The following ZDHHC14 variants were observed in gnomAD, a reference collection of about 807,000 sequenced individuals.
ZDHHC14 encodes the protein zDHHC palmitoyltransferase 14, also known as palmitoyltransferase ZDHHC14.
ZDHHC14 carries 16 observed loss-of-function variants against 47.7 expected under a neutral mutation model. The observed-to-expected ratio is 0.34, with a 90% CI of 0.23 to 0.51. The LOEUF (loss-of-function observed/expected upper bound fraction) is 0.51, where lower values mean the gene tolerates loss of function less well. ZDHHC14 is among the 20% of genes least tolerant of loss of function. The pLI, the probability that ZDHHC14 is intolerant of heterozygous loss-of-function variation, is 0.97. For missense variants in ZDHHC14, 515 were observed against 662.5 expected (o/e 0.78, Z 2.44); for synonymous variants, 293 against 278.9 (o/e 1.05, Z -0.50).
chr6:157,414,704 G>C lies in ZDHHC14; in HGVS notation c.245+32438G>C, dbSNP rs151109534. Among the ~76,000 whole-genome samples the C allele has an allele frequency of 1.4e-3, 216 of 152,152 alleles. 3 individuals carry two copies. The East Asian group carries it at 0.04, about 28-fold the overall frequency. ...GTTTAGGGTCTTTGCAATGTCAGAG[G>C]ATATTCAGTGTCCATATCGTACAGT... On this transcript the variant is annotated intron_variant, in intron 1 of 8. Transcript: ENST00000359775.
At chr6:157,647,190 G>A in intron 6 of ZDHHC14, 69 bp from the exon 7 acceptor site, 2 of 1,062,608 alleles carry the variant, frequency 1.9e-6, no homozygotes, top group Admixed American at 1.9e-5. Flanking sequence ...GCCTCTCATG[G>A]TCCAGCTCAC....
rs190668784 is a variant in ZDHHC14 at position 157,525,506 on chromosome 6, G to A, written c.246-17079G>A. On this transcript the variant is annotated intron_variant, in intron 1 of 8. Transcript: ENST00000359775. ...ACAGCATGGCAGCTGGCTTCCCTCC[G>A]AGAGGGCCAATGAGAGCTCCAGAGG... Among the ~76,000 whole-genome samples the A allele has an allele frequency of 3.5e-4, 53 of 152,106 alleles. 1 individual carries two copies. In the East Asian group the frequency reaches 9.9e-3, roughly 28 times the overall value.
intron 1 of ZDHHC14, among the ~76,000 whole-genome samples, chr6:157,529,637 T>A (rs1051758566): frequency 6.6e-6 from 1 of 152,240 alleles, no homozygotes; most frequent in Admixed American, 6.5e-5. Flanking sequence ...CTCCCCAGAC[T>A]GGACAAGGCA....
intron 5 of ZDHHC14, among the ~76,000 whole-genome samples, chr6:157,634,433 C>A (rs143679038): frequency 2.4e-4 from 36 of 152,280 alleles, no homozygotes; most frequent in African/African-American, 7.2e-4. Context: ...CTCCTCCGTT[C>A]CTCTCCCCAA....
chr6:157,426,778 G>A (rs1207280899), intron 1 of ZDHHC14, among the ~76,000 whole-genome samples: 1 of 152,198 alleles, frequency 6.6e-6, no homozygotes, highest in East Asian at 1.9e-4. Flanking sequence ...AGGGGCCAGC[G>A]TGAGGTTCTA....
At chr6:157,498,434 A>C (rs1286090045) in intron 1 of ZDHHC14, among the ~76,000 whole-genome samples, 1 of 152,112 alleles carries the variant, frequency 6.6e-6, no homozygotes, top group African/African-American at 2.4e-5. Context: ...TAAATTGGGG[A>C]AAGAGAATAT....
At chr6:157,598,048 C>T (rs1369553599) in intron 3 of ZDHHC14, among the ~76,000 whole-genome samples, 1 of 152,224 alleles carries the variant, frequency 6.6e-6, no homozygotes, top group Non-Finnish European at 1.5e-5. Context: ...CCTTCTGTCC[C>T]ACAGTGTCTG....
chr6:157,527,616 C>A (rs890133004), intron 1 of ZDHHC14, among the ~76,000 whole-genome samples: 2 of 152,144 alleles, frequency 1.3e-5, no homozygotes, highest in Non-Finnish European at 2.9e-5. Context: ...TGCCACAGAG[C>A]GTATAGGCTC....
intron 8 of ZDHHC14, among the ~76,000 whole-genome samples, chr6:157,659,719 G>A (rs754934618): frequency 1.1e-4 from 17 of 152,206 alleles, no homozygotes; most frequent in Non-Finnish European, 1.2e-4. Context: ...CTGCAGCACC[G>A]TCGCTAAGAG....
intron 2 of ZDHHC14, among the ~76,000 whole-genome samples, chr6:157,570,569 A>G (rs1467352500): frequency 6.6e-6 from 1 of 152,232 alleles, no homozygotes; most frequent in African/African-American, 2.4e-5. Context: ...TTTCCTTTCA[A>G]GGGCAAGGCT....
At chr6:157,632,972 C>G in intron 5 of ZDHHC14, 90 bp downstream of exon 5, 1 of 1,379,826 alleles carries the variant, frequency 7.2e-7, no homozygotes, top group East Asian at 2.3e-5. Flanking sequence ...TCTTCTGCCC[C>G]GGCCTTGCTT....
At chr6:157,665,237 G>A (rs571937266) in intron 8 of ZDHHC14, among the ~76,000 whole-genome samples, 2 of 152,344 alleles carry the variant, frequency 1.3e-5, no homozygotes, top group Admixed American at 1.3e-4. Context: ...ATTCCTGGGA[G>A]TAGAAGAGAA....
intron 1 of ZDHHC14, among the ~76,000 whole-genome samples, chr6:157,401,708 C>CTAA (rs1474275758): frequency 3.4e-5 from 4 of 119,390 alleles, no homozygotes; most frequent in African/African-American, 6.6e-5. Context: ...CTGAGGACAC[C>CTAA]CTGCAGTAGT....
chr6:157,486,551 A>C (rs965941607), intron 1 of ZDHHC14, among the ~76,000 whole-genome samples: 2 of 152,172 alleles, frequency 1.3e-5, no homozygotes, highest in Admixed American at 6.5e-5. Context: ...TTCCATGAGC[A>C]CATATTGAGC....
rs1229617456 is a variant in ZDHHC14, at chr6:157,628,368, T to C, written c.585T>C (p.Cys195=). Reference sequence around the variant, plus strand: ...TTTCAGAACGGTTTGATCACCACTGTCCCTGGGTAGGCAACTGTGTGGGGA... The same window carrying C: ...TTTCAGAACGGTTTGATCACCACTGCCCCTGGGTAGGCAACTGTGTGGGGA... ...DNCVERFDHH[C]PWVGNCVGKR... The change falls in exon 4 of 9, where the codon TGT becomes TGC. Residue 195 remains cysteine, a synonymous_variant. Coordinates refer to ENST00000359775, the MANE Select transcript of ZDHHC14 (RefSeq NM_024630.3). The C allele has an allele frequency of 6.2e-7, 1 of 1,612,034 alleles. No individual in the cohort carries two copies. The highest frequency in any genetic ancestry group is 1.7e-5 in the Admixed American group (1 of 59,390).
chr6:157,551,698 C>T (rs113872653), intron 2 of ZDHHC14, among the ~76,000 whole-genome samples: 16,025 of 152,220 alleles, frequency 0.11, 1,032 homozygotes, highest in Admixed American at 0.23. Context: ...GCCTCTGCTT[C>T]CTCTCCACTG....
At chr6:157,592,170 C>T (rs1783933287) in intron 2 of ZDHHC14, among the ~76,000 whole-genome samples, 1 of 151,842 alleles carries the variant, frequency 6.6e-6, no homozygotes, top group Admixed American at 6.6e-5. Context: ...AGGGTTCACA[C>T]CTTGGGGGAG....
At position 157,398,091 on chromosome 6, in the gene ZDHHC14, C is replaced by G. The variant is rs1027193664; in HGVS notation, c.245+15825C>G. On this transcript the variant is annotated intron_variant, in intron 1 of 8. Coordinates refer to ENST00000359775, the MANE Select transcript of ZDHHC14 (RefSeq NM_024630.3). ...CCAGCTCCCCAGCTCCCCAGCCCCC[C>G]CCGGCTCCCCAGATGGCCCCAGGTA... Among the ~76,000 whole-genome samples, 20 of 151,852 alleles carry G rather than the reference C, an allele frequency of 1.3e-4. 2 individuals are homozygous for G. In the South Asian group the frequency reaches 1.9e-3, roughly 14 times the overall value.
chr6:157,600,501 A>G (rs375868933), intron 3 of ZDHHC14, among the ~76,000 whole-genome samples: 18 of 152,204 alleles, frequency 1.2e-4, no homozygotes, highest in Non-Finnish European at 2.5e-4. Context: ...CGCCTCCCAG[A>G]TTCAAGTGAT....
Sources: allele counts gnomAD v4.1 joint callset (sites outside exome capture counted in the v4.1 genomes callset), GRCh38; gene constraint gnomAD v4.1.1; transcripts MANE v1.5; gene names NCBI Gene and HGNC (gene_info 2026-07-23, HGNC 2026-07-21).